Variants in FRZB observed in about 807,000 individuals in gnomAD.
FRZB encodes the protein frizzled related protein.
Under a neutral mutation model 32.5 loss-of-function variants are expected in FRZB, and 34 were observed. The ratio of observed to expected loss-of-function variants is 1.05; its 90% CI spans 0.80 to 1.39. FRZB has a LOEUF of 1.39. Ranked by LOEUF, FRZB falls within the 40% of genes most tolerant of loss-of-function variation. The pLI, the probability that FRZB is intolerant of heterozygous loss-of-function variation, is 0.00. For synonymous variants in FRZB, 170 were observed against 159.2 expected, an observed-to-expected ratio of 1.07 and a Z score of -0.51; for missense variants, 423 against 424.8, an observed-to-expected ratio of 1.00 and a Z score of 0.04.
intron 1 of FRZB, 53 bp from the exon 2 acceptor site, chr2:182,858,886 C>A: frequency 1.4e-6 from 2 of 1,436,432 alleles, no homozygotes; most frequent in Non-Finnish European, 1.9e-6. Flanking sequence ...TCAAGAATTC[C>A]TAAAGATAAA....
At chr2:182,861,558 C>A (rs1285670824) in intron 1 of FRZB, among the ~76,000 whole-genome samples, 1 of 152,166 alleles carries the variant, frequency 6.6e-6, no homozygotes, top group Non-Finnish European at 1.5e-5. Context: ...CTTCACAATC[C>A]CTAATGAATG....
intron 2 of FRZB, among the ~76,000 whole-genome samples, chr2:182,856,575 A>G (rs1264550563): frequency 1.3e-5 from 2 of 152,146 alleles, no homozygotes; most frequent in Non-Finnish European, 2.9e-5. Context: ...GATGTCTACA[A>G]GAAATGTATT....
intron 5 of FRZB, among the ~76,000 whole-genome samples, chr2:182,837,230 T>G (rs1016605317): frequency 6.6e-5 from 10 of 151,982 alleles, no homozygotes; most frequent in African/African-American, 2.4e-4. Context: ...AAAAAATGTA[T>G]CAATTCCACA....
At chr2:182,838,640 T>C (rs769883437) in intron 3 of FRZB, 27 bp from the exon 4 acceptor site, 4 of 1,590,538 alleles carry the variant, frequency 2.5e-6, no homozygotes, top group Non-Finnish European at 3.5e-6. Context: ...GAAAAGCTGA[T>C]AATAATATGA....
intron 2 of FRZB, among the ~76,000 whole-genome samples, chr2:182,852,327 C>T (rs757114297): frequency 1.3e-5 from 2 of 152,190 alleles, no homozygotes; most frequent in Non-Finnish European, 2.9e-5. Context: ...CACCAGGCAG[C>T]TACCCAGAGG....
chr2:182,839,865 C>T (rs750829306), intron 3 of FRZB, among the ~76,000 whole-genome samples: 82 of 152,122 alleles, frequency 5.4e-4, no homozygotes, highest in Non-Finnish European at 1.1e-3. Flanking sequence ...TAATTGCAAA[C>T]CACTTTAATC....
intron 1 of FRZB, among the ~76,000 whole-genome samples, chr2:182,862,780 T>C (rs567735365): frequency 1.1e-3 from 173 of 152,120 alleles, no homozygotes; most frequent in African/African-American, 4.0e-3. Flanking sequence ...TTTCTTTTTT[T>C]TTTTTTGAAA....
Position 182,834,960 on chromosome 2 carries a change from C to T in FRZB, c.867G>A (p.Trp289Ter). The change falls in exon 6 of 6, where the codon TGG (tryptophan) becomes TGA (stop). Residue 289 changes from tryptophan (W) to a stop codon, truncating the protein, a stop_gained. Transcript: ENST00000295113. LOFTEE classifies it high-confidence loss of function. ...KDRLGKKVKR[W>*]DMKLRHLGLS... ...GTCCAAGATGACGAAGCTTCATATC[C>T]CAGCGCTGTGAAATTTAAAATAGAA... The T allele has an allele frequency of 6.2e-7, 1 of 1,606,926 alleles. No homozygotes were observed. Among genetic ancestry groups the T allele is most frequent in the East Asian group, 2.2e-5 (1 of 44,802 alleles).
At chr2:182,837,861 A>G (rs1695544568) in intron 5 of FRZB, 87 bp downstream of exon 5, 1 of 937,350 alleles carries the variant, frequency 1.1e-6, no homozygotes, top group Non-Finnish European at 1.7e-6. Context: ...GGTTGAAGGC[A>G]GCTATTTCAT....
chr2:182,862,951 G>A (rs574369828), intron 1 of FRZB, among the ~76,000 whole-genome samples: 57 of 152,126 alleles, frequency 3.7e-4, no homozygotes, highest in Non-Finnish European at 7.1e-4. Flanking sequence ...TGTATTTTTA[G>A]TAGAGACAGG....
At chr2:182,852,770 A>G (rs1466417723) in intron 2 of FRZB, among the ~76,000 whole-genome samples, 1 of 152,230 alleles carries the variant, frequency 6.6e-6, no homozygotes, top group African/African-American at 2.4e-5. Flanking sequence ...ATTACACGCT[A>G]TGGAAATAAA....
At position 182,866,420 on chromosome 2, in the gene FRZB, A is replaced by T; in HGVS notation, c.133T>A (p.Ser45Thr). The change falls in exon 1 of 6, where the codon TCC becomes ACC. Residue 45 changes from serine to threonine, a missense_variant. Physicochemically the swap from Ser to Thr is moderately conservative, Grantham distance 58. Coordinates refer to ENST00000295113, the MANE Select transcript of FRZB (RefSeq NM_001463.4). This position sits in a 1 kb window ranked among gnomAD's most constrained non-coding sequence, Gnocchi z 4.5. ...CEPVRIPLCK[S>T]LPWNMTKMPN... is the part of the protein sequence containing the mutation. ...ATCTTAGTCATGTTCCAGGGCAGGGACTTGCACAGGGGGATGCGGACGGGC... is the reference window on the plus strand; with the variant it reads ...ATCTTAGTCATGTTCCAGGGCAGGGTCTTGCACAGGGGGATGCGGACGGGC... 3 of 1,607,426 alleles carry T rather than the reference A, an allele frequency of 1.9e-6. No homozygotes were observed. Among genetic ancestry groups the T allele is most frequent in the Non-Finnish European group, 2.6e-6 (3 of 1,176,056 alleles).
intron 2 of FRZB, among the ~76,000 whole-genome samples, chr2:182,854,258 G>A (rs1695742011): frequency 6.6e-6 from 1 of 152,144 alleles, no homozygotes; most frequent in South Asian, 2.1e-4. Context: ...TTTTCTGCAT[G>A]CATGTTATAC....
chr2:182,836,284 C>A (rs542556273), intron 5 of FRZB, among the ~76,000 whole-genome samples: 1 of 152,026 alleles, frequency 6.6e-6, no homozygotes, highest in South Asian at 2.1e-4. Context: ...GAAAAAATAA[C>A]ATCCTCCATA....
rs1368026869 is a variant in FRZB, at chr2:182,833,830, GACAC to G, written c.*1015_*1018del. 3 of 151,992 alleles carry G rather than the reference GACAC, an allele frequency of 2.0e-5. No individual in the cohort carries two copies. The highest frequency in any genetic ancestry group is 6.6e-5 in the Admixed American group (1 of 15,250). 9.4% of individuals were successfully genotyped at this position (151,992 alleles called of 1,614,324 possible). A position where few individuals can be genotyped will look rare whatever the true frequency, so the allele number is the denominator to read the frequency against. ...AAGGACACACATGTACACAAATACA[GACAC>G]ACACACAACAGAAAAAACAAAAACA... On this transcript the variant is annotated 3_prime_UTR_variant, in exon 6 of 6. Transcript: ENST00000295113.
intron 2 of FRZB, among the ~76,000 whole-genome samples, chr2:182,849,205 C>A (rs921073347): frequency 1.1e-4 from 16 of 151,038 alleles, no homozygotes; most frequent in Middle Eastern, 6.8e-3. Flanking sequence ...CCAGCCTGGG[C>A]GACAGAGCAA....
intron 5 of FRZB, among the ~76,000 whole-genome samples, chr2:182,835,655 A>G (rs1215780404): frequency 3.9e-5 from 6 of 152,164 alleles, no homozygotes; most frequent in Non-Finnish European, 5.9e-5. Flanking sequence ...TTACATGAGG[A>G]TAGGTAGGGA....
At chr2:182,848,386 A>G (rs1695670399) in intron 2 of FRZB, among the ~76,000 whole-genome samples, 1 of 152,200 alleles carries the variant, frequency 6.6e-6, no homozygotes, top group South Asian at 2.1e-4. Flanking sequence ...TGGGCAATAT[A>G]CCACTTGGCC....
intron 1 of FRZB, among the ~76,000 whole-genome samples, chr2:182,860,074 A>C (rs911888624): frequency 6.6e-6 from 1 of 152,214 alleles, no homozygotes; most frequent in African/African-American, 2.4e-5. Flanking sequence ...GTTCAAAGGT[A>C]GAAATAAGAG....
Sources: allele counts gnomAD v4.1 joint callset (sites outside exome capture counted in the v4.1 genomes callset), GRCh38; gene constraint gnomAD v4.1.1; non-coding constraint Gnocchi (gnomAD v3.1); transcripts MANE v1.5; gene names NCBI Gene and HGNC (gene_info 2026-07-23, HGNC 2026-07-21).